HDAC4: variants seen among roughly 807,000 people sequenced by gnomAD.
The protein encoded by HDAC4 is histone deacetylase 4, also known as histone deacetylase A.
HDAC4 carries 16 observed loss-of-function variants against 135.1 expected under a neutral mutation model. That is an observed-to-expected ratio of 0.12 (90% CI 0.08 to 0.18). The LOEUF is 0.18. HDAC4 is among the 10% of genes least tolerant of loss of function. The pLI, the probability that HDAC4 is intolerant of heterozygous loss-of-function variation, is 1.00. For missense variants in HDAC4, 1,143 were observed against 1,511.8 expected (o/e 0.76, Z 4.05); for synonymous variants, 685 against 653.4 (o/e 1.05, Z -0.74).
intron 7 of HDAC4, among the ~76,000 whole-genome samples, chr2:239,155,259 T>TA (rs1197675269): frequency 1.3e-5 from 2 of 149,718 alleles, no homozygotes; most frequent in African/African-American, 5.0e-5. Context: ...ATGGCCGGCC[T>TA]GATATGGTCC....
intron 2 of HDAC4, among the ~76,000 whole-genome samples, chr2:239,277,394 C>A (rs1437665913): frequency 6.6e-6 from 1 of 152,186 alleles, no homozygotes; most frequent in East Asian, 1.9e-4. Context: ...GACAGGGAAG[C>A]CCAGAAGTGC....
At chr2:239,159,603 C>G (rs1258975143) in intron 6 of HDAC4, among the ~76,000 whole-genome samples, 1 of 151,798 alleles carries the variant, frequency 6.6e-6, no homozygotes, top group Non-Finnish European at 1.5e-5. Context: ...ACTCATACCC[C>G]ACACTCACCT....
chr2:239,168,707 C>T (rs914982086), intron 5 of HDAC4, among the ~76,000 whole-genome samples: 3 of 152,230 alleles, frequency 2.0e-5, no homozygotes, highest in Admixed American at 2.0e-4. Context: ...GGGGAAGACG[C>T]CGGCTTGGGC....
chr2:239,074,436 T>C (rs563490173), intron 22 of HDAC4, among the ~76,000 whole-genome samples: 1 of 152,336 alleles, frequency 6.6e-6, no homozygotes, highest in South Asian at 2.1e-4. Flanking sequence ...CGCCGTTAAA[T>C]GAAGTTCATA....
chr2:239,134,021 A>G (rs926597987), intron 11 of HDAC4, among the ~76,000 whole-genome samples: 1 of 152,118 alleles, frequency 6.6e-6, no homozygotes, highest in Non-Finnish European at 1.5e-5. Context: ...GAGAAAGGGG[A>G]AGTGACTTCT....
chr2:239,377,065 C>G (rs1328031391), intron 1 of HDAC4, among the ~76,000 whole-genome samples: 2 of 152,156 alleles, frequency 1.3e-5, no homozygotes, highest in African/African-American at 4.8e-5. Flanking sequence ...GAGCGTGCTT[C>G]AGAGACATCC....
chr2:239,265,718 C>G (rs1179252698), intron 2 of HDAC4, among the ~76,000 whole-genome samples: 2 of 152,258 alleles, frequency 1.3e-5, no homozygotes, highest in Admixed American at 6.5e-5. Context: ...GGTGCAGGCT[C>G]AAGGTCAGCC....
At chr2:239,384,094 G>C (rs922906781) in intron 1 of HDAC4, among the ~76,000 whole-genome samples, 1 of 152,180 alleles carries the variant, frequency 6.6e-6, no homozygotes, top group Admixed American at 6.5e-5. Context: ...ACCCTCCATC[G>C]TGCTCTGCAA....
chr2:239,279,742 G>A (rs2050594858), intron 2 of HDAC4, among the ~76,000 whole-genome samples: 1 of 152,230 alleles, frequency 6.6e-6, no homozygotes, highest in Non-Finnish European at 1.5e-5. Context: ...GGCCCGCAGG[G>A]GGCATGGGAT....
In HDAC4 at chr2:239,048,962, A is replaced by AGGGC. The variant is rs2030401567; in HGVS notation, c.*4131_*4134dup. ...AGAATAAACCGTCACAAGGCCAGTG[A>AGGGC]GGGCGGGCGGCGCTCGCCTGGCCCG... is the stretch of plus-strand genomic sequence containing the variant. On this transcript the variant is annotated 3_prime_UTR_variant, in exon 27 of 27. Transcript: ENST00000543185. 6.6e-6 allele frequency: 1 copy of AGGGC among 152,264 alleles called. No homozygotes were observed. 9.4% of individuals were successfully genotyped at this position (152,264 alleles called of 1,614,324 possible). A position where few individuals can be genotyped will look rare whatever the true frequency, so the allele number is the denominator to read the frequency against.
In HDAC4 at chr2:239,126,583, C is replaced by A. The variant is rs1194188460; in HGVS notation, c.1406G>T (p.Arg469Leu). Reference protein sequence around the residue: ...HKLRQHRPLGRTQSAPLPQNA... With the variant: ...HKLRQHRPLGLTQSAPLPQNA... ...CTGGGGCAGCGGGGCCGACTGGGTC[C>A]GCCCCAGTGGGCGGTGCTGCCGCAG... The change falls in exon 12 of 27, where the codon CGG becomes CTG. Residue 469 changes from arginine to leucine, a missense_variant. Transcript: ENST00000543185. 1.9e-6 allele frequency: 3 copies of A among 1,613,782 alleles called. No homozygotes were observed. Among genetic ancestry groups the A allele is most frequent in the Non-Finnish European group, 2.5e-6 (3 of 1,179,994 alleles).
chr2:239,062,943 C>T lies in HDAC4; in HGVS notation c.3003+3779G>A, dbSNP rs569987069. On this transcript the variant is annotated intron_variant, in intron 24 of 26. Transcript: ENST00000543185. ...CCCCTCTGGCTGGCGCAGGCCCCTG[C>T]GATGGCCCAGGCTGCAGGTCCCAAG... 8.5e-4 allele frequency among the ~76,000 whole-genome samples: 130 copies of T among 152,292 alleles called. 1 individual carries two copies. Among genetic ancestry groups the T allele is most frequent in the African/African-American group, 2.5e-3 (105 of 41,576 alleles).
rs566265199 is a variant in HDAC4 at position 239,370,092 on chromosome 2, G to A, written c.-219-17174C>T. 9.8e-5 allele frequency among the ~76,000 whole-genome samples: 15 copies of A among 152,370 alleles called. No homozygotes were observed. In the East Asian group the frequency reaches 2.3e-3, roughly 24 times the overall value. On this transcript the variant is annotated intron_variant, in intron 1 of 26. Transcript: ENST00000543185. ...GGGGCCCTGTACAGGACGGCAGGCC[G>A]TCTGCCCTGTGTCCCCGGGACTGGC...
At chr2:239,158,745 G>T (rs1193834532) in intron 6 of HDAC4, among the ~76,000 whole-genome samples, 1 of 152,054 alleles carries the variant, frequency 6.6e-6, no homozygotes, top group Non-Finnish European at 1.5e-5. Context: ...CCAGACACCA[G>T]GAGAGGGCGG....
intron 2 of HDAC4, among the ~76,000 whole-genome samples, chr2:239,241,388 A>G (rs899208734): frequency 1.2e-4 from 19 of 152,198 alleles, no homozygotes; most frequent in African/African-American, 4.6e-4. Flanking sequence ...CAGATGACCA[A>G]TGACACTGAC....
chr2:239,246,573 C>T (rs902831573), intron 2 of HDAC4, among the ~76,000 whole-genome samples: 1 of 152,202 alleles, frequency 6.6e-6, no homozygotes, highest in Non-Finnish European at 1.5e-5. Context: ...GAAAGCAAGC[C>T]GCTCTTCCTG....
intron 2 of HDAC4, among the ~76,000 whole-genome samples, chr2:239,269,826 C>T (rs1048659342): frequency 2.0e-4 from 30 of 152,194 alleles, no homozygotes; most frequent in Admixed American, 1.8e-3. Flanking sequence ...TACAAACTGT[C>T]CACACACAAC....
chr2:239,387,255 G>A (rs1695876777), intron 1 of HDAC4, among the ~76,000 whole-genome samples: 1 of 152,170 alleles, frequency 6.6e-6, no homozygotes, highest in African/African-American at 2.4e-5. Context: ...TGAAGCAGCC[G>A]CGGGCCCACA....
intron 12 of HDAC4, among the ~76,000 whole-genome samples, chr2:239,117,113 A>G (rs1438605377): frequency 6.6e-6 from 1 of 152,238 alleles, no homozygotes; most frequent in East Asian, 1.9e-4. Context: ...GTAGTGGGGC[A>G]AAGTGGAACA....
Sources: gnomAD v4.1 joint callset for allele counts (sites outside exome capture counted in the v4.1 genomes callset) on GRCh38, gnomAD v4.1.1 for gene constraint, MANE v1.5 for transcripts, NCBI Gene and HGNC (gene_info 2026-07-23, HGNC 2026-07-21) for gene names.